CORIN: variants seen among roughly 807,000 people sequenced by gnomAD.
CORIN encodes the protein atrial natriuretic peptide-converting enzyme.
Under a neutral mutation model 125.3 loss-of-function variants are expected in CORIN, and 117 were observed. That is an observed-to-expected ratio of 0.93 (90% confidence interval 0.80 to 1.09). The LOEUF is 1.09. Ranked by LOEUF, CORIN falls within the 50% of genes least tolerant of loss-of-function variation. The pLI, the probability that CORIN is intolerant of heterozygous loss-of-function variation, is 0.00. For synonymous variants in CORIN, 450 were observed against 466.4 expected (o/e 0.96, Z 0.45); for missense variants, 1,253 against 1,306.7 (o/e 0.96, Z 0.63).
At position 47,808,493 on chromosome 4, in the gene CORIN, T is replaced by C. The variant is rs375386256; in HGVS notation, c.64-1446A>G. On this transcript the variant is annotated intron_variant, in intron 1 of 21. Transcript: ENST00000273857. ...AAGGGAATATAGGTTCACTAACCCA[T>C]ATTGCAAGCAGTGTTCACTACATAA... Among the ~76,000 whole-genome samples, 116 of 152,348 alleles carry C rather than the reference T, an allele frequency of 7.6e-4. 1 individual carries two copies. The South Asian group carries it at 0.024, about 31-fold the overall frequency.
At chr4:47,602,280 C>T (rs1721478821) in intron 20 of CORIN, among the ~76,000 whole-genome samples, 1 of 152,030 alleles carries the variant, frequency 6.6e-6, no homozygotes, top group African/African-American at 2.4e-5. Flanking sequence ...CAAAAACAAA[C>T]AAATAAACAA....
intron 5 of CORIN, among the ~76,000 whole-genome samples, chr4:47,712,693 A>G (rs772050033): frequency 6.6e-5 from 10 of 152,234 alleles, no homozygotes; most frequent in Non-Finnish European, 1.2e-4. Context: ...AATGTTTACA[A>G]ATCTCTTAGT....
chr4:47,779,156 C>T (rs1222800627), intron 3 of CORIN, among the ~76,000 whole-genome samples: 1 of 152,234 alleles, frequency 6.6e-6, no homozygotes, highest in African/African-American at 2.4e-5. Context: ...ATTATTTATG[C>T]TCATCCCTAT....
At chr4:47,813,757 T>C (rs1284570768) in intron 1 of CORIN, among the ~76,000 whole-genome samples, 1 of 152,232 alleles carries the variant, frequency 6.6e-6, no homozygotes, top group African/African-American at 2.4e-5. Context: ...ACTTAGTTAA[T>C]ACATGATGGT....
At chr4:47,640,499 A>G (rs1723194464) in intron 16 of CORIN, among the ~76,000 whole-genome samples, 2 of 152,236 alleles carry the variant, frequency 1.3e-5, no homozygotes, top group Admixed American at 6.5e-5. Context: ...GAAAATGGAG[A>G]GTAACTGCCT....
intron 19 of CORIN, among the ~76,000 whole-genome samples, chr4:47,617,683 G>A (rs777334999): frequency 4.6e-5 from 7 of 152,172 alleles, no homozygotes; most frequent in Non-Finnish European, 8.8e-5. Flanking sequence ...GATGGGAATG[G>A]GCCAAATCCT....
intron 7 of CORIN, chr4:47,682,328 A>T (rs527383527): frequency 6.6e-6 from 1 of 151,776 alleles, no homozygotes; most frequent in African/African-American, 2.4e-5. Flanking sequence ...TGTAGTCCCA[A>T]GTACTCAGGA....
chr4:47,623,979 T>G, intron 17 of CORIN, 31 bp from the exon 18 acceptor site: 4 of 1,577,264 alleles, frequency 2.5e-6, no homozygotes, highest in Non-Finnish European at 3.5e-6. Flanking sequence ...TGGTATAACA[T>G]TAAGTTACAT....
At chr4:47,706,637 T>A in intron 5 of CORIN, 1 of 1,607,806 alleles carries the variant, frequency 6.2e-7, no homozygotes, top group South Asian at 1.1e-5. Context: ...CATCATGGTG[T>A]TAACCAGCTA....
intron 2 of CORIN, among the ~76,000 whole-genome samples, chr4:47,790,021 C>CAA (rs201023566): frequency 0.012 from 1,857 of 152,028 alleles, 52 homozygotes; most frequent in African/African-American, 0.042. Flanking sequence ...GACTCCGTCT[C>CAA]AAAAAAATAA....
At chr4:47,821,846 GACTAA>G (rs559933926) in intron 1 of CORIN, among the ~76,000 whole-genome samples, 6 of 152,272 alleles carry the variant, frequency 3.9e-5, no homozygotes, top group African/African-American at 7.2e-5. Context: ...AATGAGAACA[GACTAA>G]ACTAATTTAA....
At chr4:47,801,165 T>A (rs2109942042) in intron 2 of CORIN, among the ~76,000 whole-genome samples, 1 of 152,304 alleles carries the variant, frequency 6.6e-6, no homozygotes. Flanking sequence ...ACATGTTGGA[T>A]TTCTCATTTT....
chr4:47,664,079 A>G (rs1427822642), intron 11 of CORIN, among the ~76,000 whole-genome samples: 1 of 152,170 alleles, frequency 6.6e-6, no homozygotes, highest in African/African-American at 2.4e-5. Flanking sequence ...TGATCCCAAC[A>G]TATGGTTTCT....
chr4:47,636,759 T>C (rs976571277), intron 16 of CORIN, among the ~76,000 whole-genome samples: 1 of 152,180 alleles, frequency 6.6e-6, no homozygotes, highest in Non-Finnish European at 1.5e-5. Context: ...GAACTGTAAG[T>C]CCATTAAACC....
intron 5 of CORIN, among the ~76,000 whole-genome samples, chr4:47,715,464 G>C (rs1484002737): frequency 1.6e-5 from 2 of 123,606 alleles, no homozygotes; most frequent in Non-Finnish European, 3.6e-5. Flanking sequence ...AAAATTAGCC[G>C]TGTGGTGGCA....
chr4:47,797,230 TATA>T (rs1295833641), intron 2 of CORIN, among the ~76,000 whole-genome samples: 1 of 148,292 alleles, frequency 6.7e-6, no homozygotes, highest in Non-Finnish European at 1.5e-5. Context: ...AATATATAAT[TATA>T]ATACATAATA....
intron 16 of CORIN, chr4:47,632,586 G>A (rs968269683): frequency 2.6e-5 from 4 of 152,170 alleles, no homozygotes; most frequent in Non-Finnish European, 5.9e-5. Context: ...AGGCTGGATA[G>A]CTCAGTTCAA....
intron 2 of CORIN, among the ~76,000 whole-genome samples, chr4:47,794,446 T>G (rs763689567): frequency 1.1e-4 from 16 of 152,158 alleles, no homozygotes; most frequent in Non-Finnish European, 2.2e-4. Context: ...CCTCATTTAC[T>G]CAAAAAATTA....
intron 15 of CORIN, 58 bp downstream of exon 15, chr4:47,643,088 G>C (rs1262279766): frequency 7.4e-6 from 12 of 1,613,122 alleles, no homozygotes; most frequent in Non-Finnish European, 9.3e-6. Context: ...GATCCATTCA[G>C]CTTCAGTGGC....
Sources: gnomAD v4.1 joint callset for allele counts (sites outside exome capture counted in the v4.1 genomes callset) on GRCh38, gnomAD v4.1.1 for gene constraint, MANE v1.5 for transcripts, NCBI Gene and HGNC (gene_info 2026-07-23, HGNC 2026-07-21) for gene names.